Variants in CFAP69 observed in about 807,000 individuals in gnomAD.
CFAP69 encodes cilia and flagella associated protein 69, also known as cilia- and flagella-associated protein 69.
A neutral mutation model predicts 123.0 loss-of-function variants in CFAP69; 92 were observed. The observed-to-expected ratio is 0.75, with a 90% confidence interval of 0.63 to 0.89. The LOEUF (loss-of-function observed/expected upper bound fraction) is 0.89, where lower values mean the gene tolerates loss of function less well. Ranked by LOEUF, CFAP69 falls within the 40% of genes least tolerant of loss-of-function variation. CFAP69 has a pLI of 0.00. For missense variants in CFAP69, 1,067 were observed against 1,096.9 expected (o/e 0.97, Z 0.39); for synonymous variants, 380 against 364.3 (o/e 1.04, Z -0.49).
Position 90,300,004 on chromosome 7 carries a change from G to A in CFAP69, c.1995G>A (p.Trp665Ter). Residue 665 changes from tryptophan (W) to a stop codon, truncating the protein, a stop_gained, in exon 17 of 23, where the codon TGG becomes TGA. Transcript: ENST00000389297. LOFTEE classifies it high-confidence loss of function. Reference protein sequence around the residue: ...QTAASLLIKLWRKEEKELGVK... With the variant: ...QTAASLLIKL Reference sequence around the variant, plus strand: ...CTGCTAGTCTTTTAATTAAATTGTGGAGAAAGGAGGAAAAAGAACTAGGAG... The same window carrying A: ...CTGCTAGTCTTTTAATTAAATTGTGAAGAAAGGAGGAAAAAGAACTAGGAG... The A allele has an allele frequency of 6.2e-7, 1 of 1,609,892 alleles. No individual in the cohort carries two copies. The highest frequency in any genetic ancestry group is 8.5e-7 in the Non-Finnish European group (1 of 1,178,388).
downstream of CFAP69, among the ~76,000 whole-genome samples, chr7:90,311,881 A>T (rs1331482632): frequency 6.6e-6 from 1 of 152,118 alleles, no homozygotes; most frequent in East Asian, 1.9e-4. Flanking sequence ...TACCACCTTC[A>T]AGAAGATATT....
At chr7:90,259,786 A>T (rs1331958446) in intron 3 of CFAP69, among the ~76,000 whole-genome samples, 6 of 151,186 alleles carry the variant, frequency 4.0e-5, no homozygotes, top group African/African-American at 9.7e-5. Context: ...ACAGCTGGCC[A>T]TTTTTTTTTA....
chr7:90,313,768 A>G (rs1794528958), downstream of CFAP69, among the ~76,000 whole-genome samples: 1 of 152,238 alleles, frequency 6.6e-6, no homozygotes, highest in South Asian at 2.1e-4. Context: ...AGAATTCTAA[A>G]TGATTTATGT....
chr7:90,312,281 T>C (rs1255412853), downstream of CFAP69, among the ~76,000 whole-genome samples: 1 of 152,210 alleles, frequency 6.6e-6, no homozygotes, highest in Non-Finnish European at 1.5e-5. Flanking sequence ...ATGTATTTAC[T>C]TCATAACATG....
chr7:90,274,113 A>C lies in CFAP69; in HGVS notation c.984+3A>C, dbSNP rs1328975211. 4.4e-6 allele frequency: 7 copies of C among 1,594,482 alleles called. No homozygotes were observed. The highest frequency in any genetic ancestry group is 6.0e-6 in the Non-Finnish European group (7 of 1,174,188). ...AAAATCCTGAAGCACCAATGATTGT[A>C]AGTATGAATCAAATTGCATTAATTT... On this transcript the variant is annotated splice_donor_region_variant and intron_variant, in intron 9 of 22. Coordinates refer to ENST00000389297, the MANE Select transcript of CFAP69 (RefSeq NM_001039706.3).
chr7:90,260,065 A>G (rs1029812590), intron 3 of CFAP69, among the ~76,000 whole-genome samples: 4 of 152,162 alleles, frequency 2.6e-5, no homozygotes, highest in African/African-American at 9.7e-5. Flanking sequence ...AACTCCTTAC[A>G]ACATTATGAT....
Position 90,245,486 on chromosome 7 carries a change from C to T in CFAP69, c.62C>T (p.Ser21Phe). The T allele has an allele frequency of 6.5e-7, 1 of 1,547,200 alleles. No homozygotes were observed. The highest frequency in any genetic ancestry group is 8.7e-7 in the Non-Finnish European group (1 of 1,149,774). ...CAGGAATCCGGCATCAGGAACAAGTCTAGCAGTTCCAGTCAAATCCCGGTG... is the reference window on the plus strand; with the variant it reads ...CAGGAATCCGGCATCAGGAACAAGTTTAGCAGTTCCAGTCAAATCCCGGTG... ...EAQESGIRNK[S>F]SSSSQIPVVG... Residue 21 changes from serine (S) to phenylalanine (F), a missense_variant, in exon 1 of 23, where the codon TCT becomes TTT. Physicochemically the swap from Ser to Phe is radical, Grantham distance 155. Transcript: ENST00000389297.
At chr7:90,317,147 A>G in the CFAP69 span, 1 of 152,012 alleles carries the variant, frequency 6.6e-6, no homozygotes. Context: ...GATGTTCAAT[A>G]TGGAGATGAG....
At chr7:90,262,664 T>C (rs991373410) in intron 4 of CFAP69, among the ~76,000 whole-genome samples, 2 of 152,126 alleles carry the variant, frequency 1.3e-5, no homozygotes, top group East Asian at 1.9e-4. Flanking sequence ...TATTAAAATA[T>C]CCATTTTTAG....
Position 90,299,986 on chromosome 7 carries a change from T to A in CFAP69, c.1977T>A (p.Ser659Arg), listed in dbSNP as rs1265752052. Reference sequence around the variant, plus strand: ...GGAAGAAGGATCAGACAGCTGCTAGTCTTTTAATTAAATTGTGGAGAAAGG... The same window carrying A: ...GGAAGAAGGATCAGACAGCTGCTAGACTTTTAATTAAATTGTGGAGAAAGG... ...WQGKKDQTAA[S>R]LLIKLWRKEE... Residue 659 changes from serine (S) to arginine (R), a missense_variant, in exon 17 of 23, where the codon AGT becomes AGA. Ser to Arg is a moderately radical substitution (Grantham distance 110). Transcript: ENST00000389297. 6.2e-7 allele frequency: 1 copy of A among 1,611,404 alleles called. No homozygotes were observed. The highest frequency in any genetic ancestry group is 8.5e-7 in the Non-Finnish European group (1 of 1,178,924).
In CFAP69 at chr7:90,309,942, A is replaced by G. The variant is rs1794136120; in HGVS notation, c.2656-126A>G. The G allele has an allele frequency of 5.6e-6, 4 of 715,428 alleles. No individual in the cohort carries two copies. The South Asian group carries it at 6.2e-5, about 11-fold the overall frequency. The allele number at this position is 715,428 out of a possible 1,614,324, so 44.3% of individuals were successfully genotyped here. On this transcript the variant is annotated intron_variant, in intron 22 of 22. Coordinates refer to ENST00000389297, the MANE Select transcript of CFAP69 (RefSeq NM_001039706.3). ...GATGCCCTTATCTTTCTATTATACC[A>G]TAACTGCCTCCTAGTTATTCATTAC...
In CFAP69 at chr7:90,245,237, G is replaced by A. The variant is rs1796186695; in HGVS notation, c.-188G>A. On this transcript the variant is annotated 5_prime_UTR_variant, in exon 1 of 23. Transcript: ENST00000389297. ...CAGAGGTCTGGGTCAACTGGGGGGC[G>A]GCAGCGGCGCTAAGCGGACTGTATG... 4.6e-6 allele frequency: 3 copies of A among 651,628 alleles called. No individual in the cohort carries two copies. Among genetic ancestry groups the A allele is most frequent in the Non-Finnish European group, 6.9e-6 (3 of 437,782 alleles). 40.4% of individuals were successfully genotyped at this position (651,628 alleles called of 1,614,324 possible).
rs776092791 is a variant in CFAP69, at chr7:90,283,010, T to C, written c.1491T>C (p.Thr497=). 6.3e-7 allele frequency: 1 copy of C among 1,587,038 alleles called. No individual in the cohort carries two copies. Among genetic ancestry groups the C allele is most frequent in the South Asian group, 1.2e-5 (1 of 86,242 alleles). The part of the protein sequence containing the change: ...LRAVVYLEDE[T]VNKDLCEKGT... ...CCGTGGTCTACCTTGAAGATGAGAC[T>C]GTAAACAAAGATCTTTGTGAAAAGG... Residue 497 remains threonine, a synonymous_variant, in exon 13 of 23, where the codon ACT becomes ACC. Coordinates refer to ENST00000389297, the MANE Select transcript of CFAP69 (RefSeq NM_001039706.3).
At chr7:90,297,167 T>G (rs1214632180) in intron 15 of CFAP69, among the ~76,000 whole-genome samples, 1 of 152,212 alleles carries the variant, frequency 6.6e-6, no homozygotes, top group Non-Finnish European at 1.5e-5. Context: ...AAGTTGGAAT[T>G]TGGTATCTCA....
chr7:90,264,104 A>AAAAT (rs1554354285), intron 4 of CFAP69, among the ~76,000 whole-genome samples: 37 of 48,864 alleles, frequency 7.6e-4, no homozygotes, highest in Non-Finnish European at 1.1e-3. Context: ...AAAAAAAAAA[A>AAAAT]ATATATATAT....
At chr7:90,246,193 T>C (rs1413152914) in intron 1 of CFAP69, among the ~76,000 whole-genome samples, 2 of 152,250 alleles carry the variant, frequency 1.3e-5, no homozygotes, top group African/African-American at 4.8e-5. Flanking sequence ...AAATTCACTC[T>C]TGGAAGTTGA....
At position 90,288,418 on chromosome 7, in the gene CFAP69, G is replaced by T. The variant is rs534913333; in HGVS notation, c.1775+66G>T. ...TCATGCATCACTTTACAACAGTGAG[G>T]ATACTTTCTGAGAAATGTTTCCTTA... is the stretch of plus-strand genomic sequence containing the variant. On this transcript the variant is annotated intron_variant, in intron 15 of 22. Transcript: ENST00000389297. 8 of 1,519,676 alleles carry T rather than the reference G, an allele frequency of 5.3e-6. No homozygotes were observed. In the African/African-American group the frequency reaches 9.6e-5, roughly 18 times the overall value. 94.1% of individuals were successfully genotyped at this position (1,519,676 alleles called of 1,614,324 possible).
At chr7:90,294,144 T>G (rs1791591845) in intron 15 of CFAP69, among the ~76,000 whole-genome samples, 1 of 152,166 alleles carries the variant, frequency 6.6e-6, no homozygotes, top group African/African-American at 2.4e-5. Context: ...ATGGCTAATT[T>G]CACATGTCCC....
chr7:90,294,519 C>T (rs1426149054), intron 15 of CFAP69, among the ~76,000 whole-genome samples: 1 of 151,796 alleles, frequency 6.6e-6, no homozygotes, highest in Non-Finnish European at 1.5e-5. Flanking sequence ...TTCCCTAAGC[C>T]AGGAATTGAA....
Sources: allele counts gnomAD v4.1 joint callset (sites outside exome capture counted in the v4.1 genomes callset), GRCh38; gene constraint gnomAD v4.1.1; transcripts MANE v1.5; gene names NCBI Gene and HGNC (gene_info 2026-07-23, HGNC 2026-07-21).